Variants in GLCCI1 observed in about 807,000 individuals in gnomAD.
GLCCI1 encodes the protein glucocorticoid-induced transcript 1 protein.
GLCCI1 carries 24 observed loss-of-function variants against 52.2 expected under a neutral mutation model. The ratio of observed to expected loss-of-function variants is 0.46; its 90% CI spans 0.33 to 0.65. The LOEUF (loss-of-function observed/expected upper bound fraction) is 0.65. Ranked by LOEUF, GLCCI1 falls within the 30% of genes least tolerant of loss-of-function variation. GLCCI1 has a pLI of 0.02. For synonymous variants in GLCCI1, 310 were observed against 276.5 expected (o/e 1.12, Z -1.20); for missense variants, 704 against 701.5 (o/e 1.00, Z -0.04).
rs1209449097 is a variant in GLCCI1, at chr7:8,086,518, C to T, written c.1624C>T (p.Gln542Ter). 1.9e-6 allele frequency: 3 copies of T among 1,603,774 alleles called. No individual in the cohort carries two copies. Among genetic ancestry groups the T allele is most frequent in the African/African-American group, 1.3e-5 (1 of 74,182 alleles). Reference sequence around the variant, plus strand: ...GCAGGGTGAGGACCACATCTCTGCTCAGAACTATGTGATCATCTAAAAAAG... The same window carrying T: ...GCAGGGTGAGGACCACATCTCTGCTTAGAACTATGTGATCATCTAAAAAAG... The part of the protein sequence containing the change: ...ELQGEDHISA[Q>*]NYVII Residue 542 changes from glutamine (Q) to a stop codon, truncating the protein, a stop_gained, in exon 8 of 8, where the codon CAG becomes TAG. Transcript: ENST00000223145. LOFTEE classifies it high-confidence loss of function. The surrounding 1 kb of genome is among the most constrained non-coding windows in gnomAD (Gnocchi z 4.4).
chr7:8,064,948 C>T (rs1782599120), intron 5 of GLCCI1, among the ~76,000 whole-genome samples: 1 of 152,088 alleles, frequency 6.6e-6, no homozygotes, highest in African/African-American at 2.4e-5. Context: ...GATCTCCTGA[C>T]CGCGTGATCT....
Position 8,012,432 on chromosome 7 carries a change from C to CTTTTTTTTTTTTTTTTTTTTTTTTTT in GLCCI1, c.609+8378_609+8403dup, listed in dbSNP as rs71014746. 4.3e-5 allele frequency among the ~76,000 whole-genome samples: 3 copies of CTTTTTTTTTTTTTTTTTTTTTTTTTT among 70,396 alleles called. 1 individual carries two copies. The highest frequency in any genetic ancestry group is 7.6e-5 in the Non-Finnish European group (3 of 39,574). The allele number at this position is 70,396 out of a possible 152,430, so 46.2% of individuals were successfully genotyped here. On this transcript the variant is annotated intron_variant, in intron 2 of 7. Coordinates refer to ENST00000223145, the MANE Select transcript of GLCCI1 (RefSeq NM_138426.4). Reference sequence around the variant, plus strand: ...CCATTCTGTGGGTTGCCTTTTTATTCTTTTTTTTTTTTTTTTTTTTTTTTT... The same window carrying CTTTTTTTTTTTTTTTTTTTTTTTTTT: ...CCATTCTGTGGGTTGCCTTTTTATTCTTTTTTTTTTTTTTTTTTTTTTTTTTTTTTTTTTTTTTTTTTTTTTTTTTT...
At chr7:8,026,037 G>C (rs1781612257) in intron 3 of GLCCI1, among the ~76,000 whole-genome samples, 1 of 152,222 alleles carries the variant, frequency 6.6e-6, no homozygotes, top group African/African-American at 2.4e-5. Context: ...GCTGGGAATA[G>C]TAAATATGTG....
At chr7:8,036,166 G>C (rs1278261946) in intron 3 of GLCCI1, among the ~76,000 whole-genome samples, 1 of 152,210 alleles carries the variant, frequency 6.6e-6, no homozygotes, top group African/African-American at 2.4e-5. Flanking sequence ...CAAGTGCACA[G>C]TTCTGGGGAA....
chr7:8,032,777 C>T (rs1459807878), intron 3 of GLCCI1, among the ~76,000 whole-genome samples: 19 of 151,630 alleles, frequency 1.3e-4, no homozygotes, highest in Admixed American at 1.2e-3. Context: ...AAATTCTTCC[C>T]ACAGAGACTA....
intron 3 of GLCCI1, among the ~76,000 whole-genome samples, chr7:8,022,897 C>G (rs1324385669): frequency 2.6e-5 from 4 of 152,198 alleles, no homozygotes; most frequent in East Asian, 3.8e-4. Context: ...ATGTAATACT[C>G]TCTATCTTGT....
chr7:8,050,077 C>CG (rs1562442185), intron 3 of GLCCI1, among the ~76,000 whole-genome samples: 1 of 151,918 alleles, frequency 6.6e-6, no homozygotes, highest in South Asian at 2.1e-4. Flanking sequence ...TCTGGGGGTT[C>CG]GGGGGTGCGT....
At chr7:8,004,709 A>T (rs1027760866) in intron 2 of GLCCI1, among the ~76,000 whole-genome samples, 3 of 152,220 alleles carry the variant, frequency 2.0e-5, no homozygotes, top group Non-Finnish European at 4.4e-5. Context: ...CATTGGTTTT[A>T]AAAAACCTGC....
intron 1 of GLCCI1, chr7:7,981,570 G>T (rs1178374028): frequency 1.5e-5 from 3 of 196,068 alleles, no homozygotes; most frequent in South Asian, 1.8e-4. Context: ...TGATTCACTT[G>T]CCCTGGCCTC....
intron 6 of GLCCI1, among the ~76,000 whole-genome samples, chr7:8,072,314 A>T (rs1489430355): frequency 6.6e-6 from 1 of 152,154 alleles, no homozygotes; most frequent in South Asian, 2.1e-4. Flanking sequence ...GCTACTTTGG[A>T]CTTTGTCCTC....
chr7:8,042,622 G>C (rs1438573599), intron 3 of GLCCI1, among the ~76,000 whole-genome samples: 1 of 152,216 alleles, frequency 6.6e-6, no homozygotes, highest in Admixed American at 6.5e-5. Flanking sequence ...AACATAGCAA[G>C]ACCCTGTCTC....
chr7:8,081,752 C>T (rs1178488519), intron 6 of GLCCI1, among the ~76,000 whole-genome samples: 1 of 152,090 alleles, frequency 6.6e-6, no homozygotes, highest in Non-Finnish European at 1.5e-5. Context: ...ATTTCAGAAG[C>T]TACTCGTATT....
chr7:7,970,036 G>T (rs1583932593), intron 1 of GLCCI1: 1 of 357,392 alleles, frequency 2.8e-6, no homozygotes, highest in Non-Finnish European at 4.2e-6. Context: ...TCCATCACTC[G>T]CCTGCTTCGA....
intron 6 of GLCCI1, among the ~76,000 whole-genome samples, chr7:8,078,388 C>A (rs1158343726): frequency 1.3e-5 from 2 of 151,930 alleles, no homozygotes; most frequent in African/African-American, 4.8e-5. Flanking sequence ...AGATAAGTAG[C>A]CATGTTAATA....
At chr7:8,026,860 A>G (rs1475183734) in intron 3 of GLCCI1, among the ~76,000 whole-genome samples, 3 of 152,238 alleles carry the variant, frequency 2.0e-5, no homozygotes, top group Admixed American at 6.5e-5. Flanking sequence ...AGGGAAAAGA[A>G]TAACAGTCTT....
At chr7:7,988,644 A>AT (rs1230612556) in intron 1 of GLCCI1, among the ~76,000 whole-genome samples, 1 of 152,138 alleles carries the variant, frequency 6.6e-6, no homozygotes, top group African/African-American at 2.4e-5. Context: ...AAGGTAGGTG[A>AT]TTAAGTTAGA....
intron 1 of GLCCI1, among the ~76,000 whole-genome samples, chr7:7,995,286 ATCATT>A (rs1271719683): frequency 6.6e-6 from 1 of 152,132 alleles, no homozygotes; most frequent in Non-Finnish European, 1.5e-5. Context: ...AGGTAGGCAA[ATCATT>A]TGAGCCCAGG....
At chr7:8,028,068 G>A (rs1179731024) in intron 3 of GLCCI1, among the ~76,000 whole-genome samples, 1 of 152,128 alleles carries the variant, frequency 6.6e-6, no homozygotes, top group African/African-American at 2.4e-5. Flanking sequence ...CAGAAAATCA[G>A]CAAGGAAACA....
intron 1 of GLCCI1, among the ~76,000 whole-genome samples, chr7:7,974,507 G>A (rs1780422970): frequency 6.6e-6 from 1 of 152,090 alleles, no homozygotes; most frequent in Non-Finnish European, 1.5e-5. Flanking sequence ...TGTACTTTGG[G>A]GAAATGTTGA....
Sources: allele counts gnomAD v4.1 joint callset (sites outside exome capture counted in the v4.1 genomes callset), GRCh38; gene constraint gnomAD v4.1.1; non-coding constraint Gnocchi (gnomAD v3.1); transcripts MANE v1.5; gene names NCBI Gene and HGNC (gene_info 2026-07-23, HGNC 2026-07-21).